MTDH: variants seen among roughly 807,000 people sequenced by gnomAD.
The protein encoded by MTDH is metadherin, also known as protein LYRIC.
In MTDH, 34 loss-of-function variants were observed where a neutral mutation model predicts 72.7. The ratio of observed to expected loss-of-function variants is 0.47; its 90% CI spans 0.36 to 0.62. MTDH has a LOEUF of 0.62. Among genes scored for constraint, MTDH ranks in the 20% least tolerant of loss-of-function variants. MTDH has a pLI of 0.00. For synonymous variants in MTDH, 266 were observed against 268.9 expected (o/e 0.99, Z 0.10); for missense variants, 677 against 699.4 (o/e 0.97, Z 0.36).
chr8:97,656,301 CTTTTTTTTTT>C (rs34020581), intron 1 of MTDH, among the ~76,000 whole-genome samples: 2 of 117,944 alleles, frequency 1.7e-5, no homozygotes, highest in Non-Finnish European at 3.4e-5. Context: ...ATTAAGCATA[CTTTTTTTTTT>C]TTTTTTTTTT....
intron 7 of MTDH, among the ~76,000 whole-genome samples, chr8:97,700,983 G>C (rs1466534285): frequency 6.6e-6 from 1 of 152,170 alleles, no homozygotes; most frequent in African/African-American, 2.4e-5. Context: ...GCCTTGAATT[G>C]CTGGCTAAAG....
At chr8:97,687,721 A>T in intron 4 of MTDH, 116 bp downstream of exon 4, 1 of 863,696 alleles carries the variant, frequency 1.2e-6, no homozygotes, top group Non-Finnish European at 1.7e-6. Flanking sequence ...CATTGTGCTG[A>T]TATACCCTTC....
intron 11 of MTDH, 88 bp downstream of exon 11, chr8:97,723,123 G>A (rs1012124650): frequency 3.6e-6 from 5 of 1,399,240 alleles, no homozygotes; most frequent in Admixed American, 2.1e-5. Context: ...TGGAGGCCAG[G>A]CGCAGTGGCT....
intron 6 of MTDH, among the ~76,000 whole-genome samples, chr8:97,692,814 CT>C (rs1813670456): frequency 4.6e-5 from 7 of 152,122 alleles, no homozygotes; most frequent in Admixed American, 4.6e-4. Flanking sequence ...TCTACAACCT[CT>C]GCCTCCTGGG....
rs1353544548 is a variant in MTDH at position 97,722,932 on chromosome 8, A to C, written c.1575A>C (p.Ser525=). 1 of 1,613,980 alleles carries C rather than the reference A, an allele frequency of 6.2e-7. No individual in the cohort carries two copies. The highest frequency in any genetic ancestry group is 1.1e-5 in the South Asian group (1 of 91,058). ...ATSTEPSVIL[S]KSDSDKSSSQ... ...CTACCGAGCCATCTGTAATCTTATCAAAAAGTGATTCTGACAAGAGCTCTT... is the reference window on the plus strand; with the variant it reads ...CTACCGAGCCATCTGTAATCTTATCCAAAAGTGATTCTGACAAGAGCTCTT... Residue 525 remains serine (S), a synonymous_variant, in exon 11 of 12, where the codon TCA becomes TCC. Coordinates refer to ENST00000336273, the MANE Select transcript of MTDH (RefSeq NM_178812.4).
intron 2 of MTDH, among the ~76,000 whole-genome samples, chr8:97,683,045 C>CTTTTTTTTTTTTTTTTTTTTTTTT (rs71271144): frequency 4.5e-5 from 2 of 44,338 alleles, no homozygotes; most frequent in Non-Finnish European, 8.7e-5. Flanking sequence ...CTCTTAGACA[C>CTTTTTTTTTTTTTTTTTTTTTTTT]TTTTTTTTTT....
intron 1 of MTDH, among the ~76,000 whole-genome samples, chr8:97,647,204 A>AT (rs1211160208): frequency 1.3e-5 from 2 of 152,230 alleles, no homozygotes; most frequent in Non-Finnish European, 2.9e-5. Flanking sequence ...TACAAAGGTT[A>AT]AAGCTCAGTT....
At chr8:97,656,504 T>C (rs1225650142) in intron 1 of MTDH, among the ~76,000 whole-genome samples, 1 of 151,478 alleles carries the variant, frequency 6.6e-6, no homozygotes, top group Non-Finnish European at 1.5e-5. Flanking sequence ...GGTTTCACCA[T>C]GTTGGCCAGG....
At chr8:97,707,524 T>C (rs879631665) in intron 8 of MTDH, among the ~76,000 whole-genome samples, 5 of 136,052 alleles carry the variant, frequency 3.7e-5, no homozygotes, top group Admixed American at 1.7e-4. Flanking sequence ...TGCCTCAGCC[T>C]CTCAAAGTGC....
At chr8:97,650,123 A>AT (rs1300830718) in intron 1 of MTDH, among the ~76,000 whole-genome samples, 1 of 147,718 alleles carries the variant, frequency 6.8e-6, no homozygotes, top group Non-Finnish European at 1.5e-5. Flanking sequence ...TGCCCAGCTA[A>AT]TTTTTTGTAT....
chr8:97,713,232 C>T (rs562872699), intron 8 of MTDH, among the ~76,000 whole-genome samples: 1 of 152,162 alleles, frequency 6.6e-6, no homozygotes, highest in Non-Finnish European at 1.5e-5. Flanking sequence ...CTACAGGCGC[C>T]TGCCATCACG....
At chr8:97,670,248 G>A (rs1367901308) in intron 2 of MTDH, among the ~76,000 whole-genome samples, 4 of 152,272 alleles carry the variant, frequency 2.6e-5, no homozygotes, top group Non-Finnish European at 4.4e-5. Context: ...CTCCGGAGGC[G>A]GAGCCTGTAG....
chr8:97,684,755 C>G (rs1322694435), intron 2 of MTDH, among the ~76,000 whole-genome samples: 1 of 152,158 alleles, frequency 6.6e-6, no homozygotes, highest in African/African-American at 2.4e-5. Flanking sequence ...CTAATCATTA[C>G]AGAGTTTCTT....
intron 2 of MTDH, among the ~76,000 whole-genome samples, 160 bp downstream of exon 2, chr8:97,661,333 T>TC (rs1812165804): frequency 6.6e-6 from 1 of 152,258 alleles, no homozygotes; most frequent in Admixed American, 6.5e-5. Context: ...AAAGTTTAAC[T>TC]GAGTTGTTTT....
chr8:97,675,762 C>T (rs1812818247), intron 2 of MTDH, among the ~76,000 whole-genome samples: 1 of 149,720 alleles, frequency 6.7e-6, no homozygotes, highest in Non-Finnish European at 1.5e-5. Flanking sequence ...GTCCCAGCTC[C>T]TTCGGAGGCT....
intron 1 of MTDH, 99 bp from the exon 2 acceptor site, chr8:97,660,973 G>T (rs1401055130): frequency 2.1e-5 from 17 of 828,864 alleles, no homozygotes; most frequent in Non-Finnish European, 3.0e-5. Flanking sequence ...AGGTACAGAG[G>T]TAGGATTTGA....
chr8:97,725,479 C>G lies in MTDH; in HGVS notation c.*809C>G, dbSNP rs1268105782. On this transcript the variant is annotated 3_prime_UTR_variant, in exon 12 of 12. Coordinates refer to ENST00000336273, the MANE Select transcript of MTDH (RefSeq NM_178812.4). Reference sequence around the variant, plus strand: ...CAATTTACATTTTTCCCTTCCCTAGCAATTACTTTTTTCCAGCTTCAACTC... The same window carrying G: ...CAATTTACATTTTTCCCTTCCCTAGGAATTACTTTTTTCCAGCTTCAACTC... The G allele has an allele frequency of 6.6e-6, 1 of 152,552 alleles. No homozygotes were observed. 9.4% of individuals were successfully genotyped at this position (152,552 alleles called of 1,614,324 possible).
intron 2 of MTDH, among the ~76,000 whole-genome samples, chr8:97,679,306 C>G (rs913533955): frequency 6.6e-6 from 1 of 151,688 alleles, no homozygotes; most frequent in Admixed American, 6.6e-5. Flanking sequence ...ATTATCTCAC[C>G]CATGGTAATA....
At position 97,713,727 on chromosome 8, in the gene MTDH, AAAG is replaced by A. The variant is rs767566599; in HGVS notation, c.1341_1343del (p.Lys451del). On this transcript the variant is annotated inframe_deletion, in exon 9 of 12. Transcript: ENST00000336273. ...CAACTGGGAAATCCAAAAAGAAAAAAAAGAAAAAGAAGAAGCAAGGTGAAGATA... is the reference window on the plus strand; with the variant it reads ...CAACTGGGAAATCCAAAAAGAAAAAAAAAAAGAAGAAGCAAGGTGAAGATA... 2 of 1,608,946 alleles carry A rather than the reference AAAG, an allele frequency of 1.2e-6. No homozygotes were observed. Among genetic ancestry groups the A allele is most frequent in the Admixed American group, 3.4e-5 (2 of 59,054 alleles).
Sources: allele counts gnomAD v4.1 joint callset (sites outside exome capture counted in the v4.1 genomes callset), GRCh38; gene constraint gnomAD v4.1.1; transcripts MANE v1.5; gene names NCBI Gene and HGNC (gene_info 2026-07-23, HGNC 2026-07-21).